Variants in CCNY observed in about 807,000 individuals in gnomAD.
The protein encoded by CCNY is cyclin Y.
Under a neutral mutation model 42.8 loss-of-function variants are expected in CCNY, and 19 were observed. That is an observed-to-expected ratio of 0.44 (90% CI 0.31 to 0.65). CCNY has a LOEUF of 0.65. CCNY is among the 30% of genes least tolerant of loss of function. CCNY has a pLI of 0.07. For missense variants in CCNY, 370 were observed against 437.3 expected, an observed-to-expected ratio of 0.85 and a Z score of 1.37; for synonymous variants, 165 against 162.7, an observed-to-expected ratio of 1.01 and a Z score of -0.11.
chr10:35,437,122 G>A (rs761228698), intron 1 of CCNY, among the ~76,000 whole-genome samples: 1 of 152,170 alleles, frequency 6.6e-6, no homozygotes, highest in African/African-American at 2.4e-5. Context: ...CCACCCCCAC[G>A]ATTCAGTTAT....
chr10:35,423,475 CAA>C (rs1209447381), intron 1 of CCNY, among the ~76,000 whole-genome samples: 6 of 100,074 alleles, frequency 6.0e-5, no homozygotes, highest in Non-Finnish European at 6.6e-5. Flanking sequence ...GACCCTGTCT[CAA>C]AAAAAAAAAA....
intron 1 of CCNY, among the ~76,000 whole-genome samples, chr10:35,458,640 C>T (rs542605485): frequency 6.6e-6 from 1 of 152,282 alleles, no homozygotes; most frequent in South Asian, 2.1e-4. Context: ...AGACAGATGA[C>T]AAGCAAAATA....
At chr10:35,319,113 C>T (rs1428094523) in intron 3 of CCNY, among the ~76,000 whole-genome samples, 1 of 152,122 alleles carries the variant, frequency 6.6e-6, no homozygotes, top group Admixed American at 6.6e-5. Context: ...GAGGTGTGCG[C>T]CACCATGCCC....
chr10:35,572,557 G>A lies in CCNY; in HGVS notation c.*3387G>A, dbSNP rs1225238901. The A allele has an allele frequency of 6.6e-6, 1 of 152,102 alleles. No individual in the cohort carries two copies. The highest frequency in any genetic ancestry group is 2.4e-5 in the African/African-American group (1 of 41,404). The allele number at this position is 152,102 out of a possible 1,614,324, so 9.4% of individuals were successfully genotyped here. A position where few individuals can be genotyped will look rare whatever the true frequency, so the allele number is the denominator to read the frequency against. ...AGCCTCCCAAAGTGCTGAGATTACA[G>A]GCGTGAGCCACTGCCCCTGGCCCAG... On this transcript the variant is annotated 3_prime_UTR_variant, in exon 10 of 10. Transcript: ENST00000374704.
At chr10:35,335,698 AAC>A (rs372607794), upstream of CCNY, among the ~76,000 whole-genome samples, 10 of 150,954 alleles carry the variant, frequency 6.6e-5, no homozygotes, top group East Asian at 5.8e-4. Context: ...ACAAAAAGTT[AAC>A]ACACACACAC....
At chr10:35,559,019 A>G (rs1448994269) in intron 8 of CCNY, among the ~76,000 whole-genome samples, 1 of 152,230 alleles carries the variant, frequency 6.6e-6, no homozygotes, top group Non-Finnish European at 1.5e-5. Flanking sequence ...GAAAAACCCA[A>G]GACTGCCTTG....
chr10:35,319,551 A>C (rs1192029481), intron 3 of CCNY, among the ~76,000 whole-genome samples: 1 of 152,188 alleles, frequency 6.6e-6, no homozygotes, highest in Non-Finnish European at 1.5e-5. Flanking sequence ...AAATTGGTTG[A>C]ATGCCACAGA....
At chr10:35,383,597 C>T (rs980051956) in intron 1 of CCNY, among the ~76,000 whole-genome samples, 1 of 152,154 alleles carries the variant, frequency 6.6e-6, no homozygotes, top group Non-Finnish European at 1.5e-5. Flanking sequence ...CATGAGCCCT[C>T]GTGCCTGGCC....
At chr10:35,374,329 C>T (rs1837003988) in intron 1 of CCNY, among the ~76,000 whole-genome samples, 1 of 152,126 alleles carries the variant, frequency 6.6e-6, no homozygotes, top group African/African-American at 2.4e-5. Flanking sequence ...CTTCCAGTTT[C>T]TCAGGAACAC....
chr10:35,323,085 G>A (rs536851662), intron 3 of CCNY, among the ~76,000 whole-genome samples: 3 of 152,150 alleles, frequency 2.0e-5, no homozygotes, highest in South Asian at 2.1e-4. Flanking sequence ...GCCACCATGC[G>A]TGGCAAATTT....
At chr10:35,324,179 T>C (rs1051564772) in intron 3 of CCNY, among the ~76,000 whole-genome samples, 1 of 152,150 alleles carries the variant, frequency 6.6e-6, no homozygotes, top group African/African-American at 2.4e-5. Context: ...CTGGCACTCA[T>C]AGCTCAAAGC....
chr10:35,418,845 T>A (rs1275923876), intron 1 of CCNY, among the ~76,000 whole-genome samples: 1 of 152,036 alleles, frequency 6.6e-6, no homozygotes, highest in Non-Finnish European at 1.5e-5. Context: ...GTTTTTTTTT[T>A]TTTAATCTCT....
chr10:35,468,683 C>A (rs916376232), intron 1 of CCNY, among the ~76,000 whole-genome samples: 2 of 152,080 alleles, frequency 1.3e-5, no homozygotes, highest in South Asian at 2.1e-4. Flanking sequence ...GTGAGCCTGT[C>A]ATCGGAGGAC....
At chr10:35,326,641 G>A (rs559211876) in intron 3 of CCNY, among the ~76,000 whole-genome samples, 3 of 152,178 alleles carry the variant, frequency 2.0e-5, no homozygotes, top group East Asian at 1.9e-4. Flanking sequence ...GCTCACACGT[G>A]TAATCCCAGT....
At chr10:35,301,519 C>T (rs748901738) in intron 3 of CCNY, among the ~76,000 whole-genome samples, 9 of 152,176 alleles carry the variant, frequency 5.9e-5, no homozygotes, top group African/African-American at 9.7e-5. Flanking sequence ...CTGTATAGAG[C>T]TTTTATGCAC....
intron 9 of CCNY, 27 bp downstream of exon 9, chr10:35,566,212 T>G (rs1841567104): frequency 6.2e-7 from 1 of 1,602,588 alleles, no homozygotes; most frequent in Non-Finnish European, 8.5e-7. Context: ...CAGCGTTTTG[T>G]GGTGCAGTGT....
intron 3 of CCNY, among the ~76,000 whole-genome samples, chr10:35,270,375 C>A (rs532110563): frequency 2.6e-5 from 4 of 152,216 alleles, no homozygotes; most frequent in Non-Finnish European, 5.9e-5. Context: ...ACATTCAAAT[C>A]TAGCACAAAT....
intron 3 of CCNY, among the ~76,000 whole-genome samples, chr10:35,272,642 T>C (rs1835185031): frequency 6.6e-6 from 1 of 152,258 alleles, no homozygotes; most frequent in South Asian, 2.1e-4. Context: ...GGTGTATATG[T>C]ACCACATTTT....
At chr10:35,404,337 T>C (rs1011228735) in intron 1 of CCNY, among the ~76,000 whole-genome samples, 3 of 152,106 alleles carry the variant, frequency 2.0e-5, no homozygotes, top group Admixed American at 6.6e-5. Context: ...GCACTTTGGC[T>C]GTGTGTAATG....
Sources: allele counts gnomAD v4.1 joint callset (sites outside exome capture counted in the v4.1 genomes callset), GRCh38; gene constraint gnomAD v4.1.1; transcripts MANE v1.5; gene names NCBI Gene and HGNC (gene_info 2026-07-23, HGNC 2026-07-21).